The following PRDM2 variants were observed in gnomAD, a reference collection of about 807,000 sequenced individuals.
The protein encoded by PRDM2 is PR/SET domain 2.
In PRDM2, 30 loss-of-function variants were observed where a neutral mutation model predicts 130.0. That is an observed-to-expected ratio of 0.23 (90% CI 0.17 to 0.31). PRDM2 has a LOEUF of 0.31. Ranked by LOEUF, PRDM2 falls within the 10% of genes least tolerant of loss-of-function variation. The pLI, the probability that PRDM2 is intolerant of heterozygous loss-of-function variation, is 1.00. For missense variants in PRDM2, 2,011 were observed against 2,108.4 expected (o/e 0.95, Z 0.90); for synonymous variants, 871 against 782.4 (o/e 1.11, Z -1.89).
intron 6 of PRDM2, among the ~76,000 whole-genome samples, chr1:13,767,781 C>A (rs1644263003): frequency 6.6e-6 from 1 of 152,052 alleles, no homozygotes; most frequent in Non-Finnish European, 1.5e-5. Flanking sequence ...TCGAGACCAG[C>A]CTGGACAACA....
intron 8 of PRDM2, among the ~76,000 whole-genome samples, chr1:13,810,345 C>T (rs1326307063): frequency 6.6e-6 from 1 of 152,196 alleles, no homozygotes; most frequent in Non-Finnish European, 1.5e-5. Flanking sequence ...CTGTATTTGC[C>T]TCAATCTAAC....
intron 8 of PRDM2, among the ~76,000 whole-genome samples, chr1:13,783,819 A>C (rs1352365163): frequency 6.6e-6 from 1 of 152,084 alleles, no homozygotes; most frequent in Non-Finnish European, 1.5e-5. Context: ...TTGTCTTTTC[A>C]CAGGATGCCA....
chr1:13,783,214 C>T (rs185134938), intron 8 of PRDM2: 780 of 512,940 alleles, frequency 1.5e-3, no homozygotes, highest in Non-Finnish European at 2.4e-3. Context: ...TAGGTTAAGA[C>T]GGGTCACTAA....
Position 13,781,349 on chromosome 1 carries a change from A to G in PRDM2, c.3554A>G (p.His1185Arg). The stretch of plus-strand genomic sequence containing the variant: ...TTGTCAGAACATCGCTTTTTGCTTC[A>G]TGGAGTTGGGAATATCTTTGTGTGT... Reference protein sequence around the residue: ...TDLSEHRFLLHGVGNIFVCSV... With the variant: ...TDLSEHRFLLRGVGNIFVCSV... The change falls in exon 8 of 10, where the codon CAT becomes CGT. Residue 1185 changes from histidine to arginine, a missense_variant. This residue lies in a region of PRDM2 where 229 missense variants were observed against 364.1 expected (regional missense o/e 0.63). Coordinates refer to ENST00000311066, the MANE Select transcript of PRDM2 (RefSeq NM_001393986.1). The surrounding 1 kb of genome is among the most constrained non-coding windows in gnomAD (Gnocchi z 6.1). 1 of 1,614,070 alleles carries G rather than the reference A, an allele frequency of 6.2e-7. No homozygotes were observed. Among genetic ancestry groups the G allele is most frequent in the Non-Finnish European group, 8.5e-7 (1 of 1,179,978 alleles).
intron 9 of PRDM2, 141 bp from the exon 10 acceptor site, chr1:13,823,017 CA>C: frequency 1.2e-6 from 1 of 815,728 alleles, no homozygotes; most frequent in Non-Finnish European, 2.0e-6. Flanking sequence ...GAACATTCAT[CA>C]AGCTGTGCTT....
At chr1:13,805,385 G>A (rs1645071689) in intron 8 of PRDM2, among the ~76,000 whole-genome samples, 1 of 152,042 alleles carries the variant, frequency 6.6e-6, no homozygotes, top group African/African-American at 2.4e-5. Context: ...TTTCTTCTCT[G>A]TCTTCTCAGC....
At chr1:13,783,380 T>C (rs1036412354) in intron 8 of PRDM2, among the ~76,000 whole-genome samples, 1 of 152,224 alleles carries the variant, frequency 6.6e-6, no homozygotes, top group African/African-American at 2.4e-5. Context: ...AAAGGTCTTA[T>C]GCACTGTCCC....
At position 13,731,842 on chromosome 1, in the gene PRDM2, T is replaced by A. The variant is rs189723200; in HGVS notation, c.127+725T>A. Among the ~76,000 whole-genome samples, 63 of 152,290 alleles carry A rather than the reference T, an allele frequency of 4.1e-4. 1 individual carries two copies. The highest frequency in any genetic ancestry group is 3.3e-3 in the South Asian group (16 of 4,832). ...TTATATGTACATATGTATGAAAAAATTTTAATACATGCTTTTAAAAATTCT... is the reference window on the plus strand; with the variant it reads ...TTATATGTACATATGTATGAAAAAAATTTAATACATGCTTTTAAAAATTCT... On this transcript the variant is annotated intron_variant, in intron 3 of 9. Coordinates refer to ENST00000311066, the MANE Select transcript of PRDM2 (RefSeq NM_001393986.1).
chr1:13,814,900 C>A (rs1645232866), intron 8 of PRDM2, among the ~76,000 whole-genome samples: 1 of 152,214 alleles, frequency 6.6e-6, no homozygotes, highest in Non-Finnish European at 1.5e-5. Context: ...GCCTCCCTCA[C>A]TTTCCATTCT....
At position 13,816,564 on chromosome 1, in the gene PRDM2, C is replaced by T; in HGVS notation, c.*17C>T. The T allele has an allele frequency of 1.9e-6, 3 of 1,614,056 alleles. No individual in the cohort carries two copies. The highest frequency in any genetic ancestry group is 2.5e-6 in the Non-Finnish European group (3 of 1,179,972). On this transcript the variant is annotated 3_prime_UTR_variant, in exon 9 of 10. Transcript: ENST00000311066. ...AAAGAGTAGACACTCTGGCTGCTCCCTGACAGGTACGAGGCAGGATGGAAC... is the reference window on the plus strand; with the variant it reads ...AAAGAGTAGACACTCTGGCTGCTCCTTGACAGGTACGAGGCAGGATGGAAC...
At chr1:13,741,974 CAA>C (rs776810521) in intron 4 of PRDM2, 29 bp from the exon 5 acceptor site, 1 of 1,497,646 alleles carries the variant, frequency 6.7e-7, no homozygotes, top group East Asian at 2.3e-5. Context: ...CCTATTTTAA[CAA>C]AAGTTTTTTA....
At chr1:13,756,870 C>T (rs967681647) in intron 6 of PRDM2, among the ~76,000 whole-genome samples, 14 of 152,186 alleles carry the variant, frequency 9.2e-5, no homozygotes, top group African/African-American at 2.9e-4. Context: ...AGTTGAGATC[C>T]ATATCCTCAT....
rs575101610 is a variant in PRDM2, at chr1:13,749,975, TG to T, written c.511+493del. On this transcript the variant is annotated intron_variant, in intron 6 of 9. Coordinates refer to ENST00000311066, the MANE Select transcript of PRDM2 (RefSeq NM_001393986.1). ...CGGTCGCGGAGTCGGGGTGTGGGAG[TG>T]GGGGAGGCAGAGACAGTGAGAGACA... is the stretch of plus-strand genomic sequence containing the variant. Among the ~76,000 whole-genome samples, 177 of 149,748 alleles carry T rather than the reference TG, an allele frequency of 1.2e-3. 3 individuals are homozygous for T. In the South Asian group the frequency reaches 0.037, roughly 31 times the overall value.
Position 13,709,167 on chromosome 1 carries a change from CA to C in PRDM2, c.-65-6371del, listed in dbSNP as rs1642296006. ...GTTTACAGTTTTTTTTTTTTTTACC[CA>C]AAGTATTTTTATTGCTATATTAGCA... is the stretch of plus-strand genomic sequence containing the variant. On this transcript the variant is annotated intron_variant, in intron 1 of 9. Coordinates refer to ENST00000311066, the MANE Select transcript of PRDM2 (RefSeq NM_001393986.1). 5.3e-5 allele frequency among the ~76,000 whole-genome samples: 8 copies of C among 149,940 alleles called. No homozygotes were observed. The South Asian group carries it at 1.7e-3, about 31-fold the overall frequency.
chr1:13,819,466 G>A (rs749910052), intron 9 of PRDM2, among the ~76,000 whole-genome samples: 5 of 152,260 alleles, frequency 3.3e-5, no homozygotes, highest in Middle Eastern at 3.4e-3. Context: ...CAGCAGTTTC[G>A]TGTAACTTGC....
intron 6 of PRDM2, among the ~76,000 whole-genome samples, chr1:13,766,273 T>C (rs916344952): frequency 6.6e-6 from 1 of 152,112 alleles, no homozygotes; most frequent in African/African-American, 2.4e-5. Flanking sequence ...GGAAGGGCCC[T>C]CTTATGTAGG....
Position 13,781,301 on chromosome 1 carries a change from A to G in PRDM2, c.3506A>G (p.Gln1169Arg). 1 of 1,614,262 alleles carries G rather than the reference A, an allele frequency of 6.2e-7. No homozygotes were observed. Among genetic ancestry groups the G allele is most frequent in the Non-Finnish European group, 8.5e-7 (1 of 1,180,042 alleles). The part of the protein sequence containing the change: ...EWPFKCEFCV[Q>R]LFKDKTDLSE... ...CCCTTCAAATGTGAATTTTGTGTGC[A>G]GCTTTTTAAGGATAAAACGGACTTG... The change falls in exon 8 of 10, where the codon CAG (glutamine) becomes CGG (arginine). Residue 1169 changes from glutamine (Q) to arginine (R), a missense_variant. Around this residue, in one of 5 missense-constraint regions of PRDM2, gnomAD observed 229 missense variants for 364.1 expected, o/e 0.63. Coordinates refer to ENST00000311066, the MANE Select transcript of PRDM2 (RefSeq NM_001393986.1). This position sits in a 1 kb window ranked among gnomAD's most constrained non-coding sequence, Gnocchi z 6.1.
At position 13,814,612 on chromosome 1, in the gene PRDM2, C is replaced by A. The variant is rs142382170; in HGVS notation, c.5037-1815C>A. On this transcript the variant is annotated intron_variant, in intron 8 of 9. Coordinates refer to ENST00000311066, the MANE Select transcript of PRDM2 (RefSeq NM_001393986.1). ...TAGGAGGTTTGGCAGCACCCCTGGC[C>A]TTACCTTCCAGATGCCGGTAGCAGC... Among the ~76,000 whole-genome samples, 5 of 152,350 alleles carry A rather than the reference C, an allele frequency of 3.3e-5. No individual in the cohort carries two copies. In the South Asian group the frequency reaches 6.2e-4, roughly 19 times the overall value.
At chr1:13,727,470 G>T (rs1162074888) in intron 2 of PRDM2, among the ~76,000 whole-genome samples, 1 of 152,088 alleles carries the variant, frequency 6.6e-6, no homozygotes. Context: ...GGCCAGGCTG[G>T]TCTCGAACTC....
Sources: gnomAD v4.1 joint callset for allele counts (sites outside exome capture counted in the v4.1 genomes callset) on GRCh38, gnomAD v4.1.1 for gene constraint, gnomAD v4.1.1 regional missense constraint, Gnocchi (gnomAD v3.1) non-coding constraint, MANE v1.5 for transcripts, NCBI Gene and HGNC (gene_info 2026-07-23, HGNC 2026-07-21) for gene names.